The following BAHCC1 variants were observed in gnomAD, a reference collection of about 807,000 sequenced individuals.
BAHCC1 encodes BAH and coiled-coil domain-containing protein 1.
Under a neutral mutation model 88.2 loss-of-function variants are expected in BAHCC1, and 43 were observed. That is an observed-to-expected ratio of 0.49 (90% CI 0.38 to 0.63). The LOEUF (loss-of-function observed/expected upper bound fraction) is 0.63. Among genes scored for constraint, BAHCC1 ranks in the 20% least tolerant of loss-of-function variants. BAHCC1 has a pLI of 0.00. For missense variants in BAHCC1, 3,023 were observed against 1,654.8 expected (o/e 1.83, Z -14.34); for synonymous variants, 1,510 against 745.5 (o/e 2.03, Z -16.71).
Position 81,398,526 on chromosome 17 carries a change from G to C in BAHCC1, c.-206-1008G>C, listed in dbSNP as rs561102698. Among the ~76,000 whole-genome samples, 560 of 152,342 alleles carry C rather than the reference G, an allele frequency of 3.7e-3. 1 individual carries two copies. Among genetic ancestry groups the C allele is most frequent in the Non-Finnish European group, 5.7e-3 (387 of 68,030 alleles). On this transcript the variant is annotated intron_variant, in intron 1 of 27. Transcript: ENST00000675386. ...CCGGAGCGGAGACCGGCCTCTGCTCGCGGTCCCCGGCAGGCGCTGAAGGAA... is the reference window on the plus strand; with the variant it reads ...CCGGAGCGGAGACCGGCCTCTGCTCCCGGTCCCCGGCAGGCGCTGAAGGAA...
chr17:81,425,992 GTGA>G (rs1388808710), intron 2 of BAHCC1, among the ~76,000 whole-genome samples: 6 of 82,728 alleles, frequency 7.3e-5, no homozygotes, highest in Non-Finnish European at 1.5e-4. Context: ...GGTGTGGTTG[GTGA>G]TGATGTGGTT....
chr17:81,447,198 G>A lies in BAHCC1; in HGVS notation c.3326G>A (p.Cys1109Tyr). ...TTCCTGCCTGGGGAGCCGCCTCCCT[G>A]CAGCCCCAGGAGCCTGGAGGAGCCC... The part of the protein sequence containing the change: ...RTFLPGEPPP[C>Y]SPRSLEEPGL... Residue 1109 changes from cysteine (C) to tyrosine (Y), a missense_variant, in exon 11 of 28, where the codon TGC becomes TAC. Cys to Tyr is a radical substitution (Grantham distance 194). Coordinates refer to ENST00000675386, the MANE Select transcript of BAHCC1 (RefSeq NM_001377448.1). 1 of 762,918 alleles carries A rather than the reference G, an allele frequency of 1.3e-6. No individual in the cohort carries two copies. The allele number at this position is 762,918 out of a possible 1,614,324, so 47.3% of individuals were successfully genotyped here. A position where few individuals can be genotyped will look rare whatever the true frequency, so the allele number is the denominator to read the frequency against.
intron 3 of BAHCC1, among the ~76,000 whole-genome samples, chr17:81,436,922 G>A (rs782777950): frequency 5.9e-5 from 9 of 152,244 alleles, no homozygotes; most frequent in Admixed American, 2.0e-4. Flanking sequence ...CAAATGGGAC[G>A]TGTGTGGGGT....
At chr17:81,463,052 G>A in intron 27 of BAHCC1, 76 bp downstream of exon 27, 1 of 701,348 alleles carries the variant, frequency 1.4e-6, no homozygotes, top group Admixed American at 2.1e-5. Context: ...CCAGCACTGT[G>A]CCCCAACACG....
chr17:81,398,022 T>A (rs1456367554), intron 1 of BAHCC1, among the ~76,000 whole-genome samples: 3 of 152,234 alleles, frequency 2.0e-5, no homozygotes, highest in Non-Finnish European at 2.9e-5. Context: ...TATCGCAATT[T>A]AAAAAGGTAT....
At chr17:81,436,987 C>G (rs1263518465) in intron 3 of BAHCC1, among the ~76,000 whole-genome samples, 1 of 152,230 alleles carries the variant, frequency 6.6e-6, no homozygotes, top group African/African-American at 2.4e-5. Flanking sequence ...TCTCCTGGGG[C>G]TCAAGCTCCA....
intron 14 of BAHCC1, among the ~76,000 whole-genome samples, chr17:81,454,568 A>ACCCCCCCCCCCCCCCCCCC (rs2064710011): frequency 2.3e-5 from 1 of 42,656 alleles, no homozygotes. Flanking sequence ...ACCTGCCCCT[A>ACCCCCCCCCCCCCCCCCCC]CCCCCGCCCC....
intron 2 of BAHCC1, among the ~76,000 whole-genome samples, chr17:81,405,542 A>G (rs1387075943): frequency 2.0e-5 from 3 of 152,096 alleles, no homozygotes; most frequent in Admixed American, 6.5e-5. Flanking sequence ...TAACTCCCAA[A>G]GGACTATATT....
At position 81,440,751 on chromosome 17, in the gene BAHCC1, A is replaced by G. The variant is rs75814773; in HGVS notation, c.482-1080A>G. ...TGGGCAACCGTTTCAGGGACCCCAG[A>G]CACTCACCCCCCACCAGGCAGGGTG... is the stretch of plus-strand genomic sequence containing the variant. On this transcript the variant is annotated intron_variant, in intron 4 of 27. Coordinates refer to ENST00000675386, the MANE Select transcript of BAHCC1 (RefSeq NM_001377448.1). Among the ~76,000 whole-genome samples the G allele has an allele frequency of 1.8e-4, 28 of 152,256 alleles. No homozygotes were observed. In the East Asian group the frequency reaches 5.4e-3, roughly 29 times the overall value.
At chr17:81,402,694 G>A (rs1218207670) in intron 2 of BAHCC1, 1 of 152,232 alleles carries the variant, frequency 6.6e-6, no homozygotes, top group Non-Finnish European at 1.5e-5. Flanking sequence ...TCTTTTTGCT[G>A]GGCTGCTCTT....
chr17:81,435,671 C>T lies in BAHCC1; in HGVS notation c.359-2699C>T, dbSNP rs557319760. Among the ~76,000 whole-genome samples the T allele has an allele frequency of 2.0e-5, 3 of 152,194 alleles. No individual in the cohort carries two copies. Among genetic ancestry groups the T allele is most frequent in the East Asian group, 1.9e-4 (1 of 5,162 alleles). Reference sequence around the variant, plus strand: ...GCTGAGCCCTCTTGGTCTCTGGCCCCGGAATGTCCCCTCCCTGCCATCTGG... The same window carrying T: ...GCTGAGCCCTCTTGGTCTCTGGCCCTGGAATGTCCCCTCCCTGCCATCTGG... On this transcript the variant is annotated intron_variant, in intron 3 of 27. Coordinates refer to ENST00000675386, the MANE Select transcript of BAHCC1 (RefSeq NM_001377448.1). This position sits in a 1 kb window ranked among gnomAD's most constrained non-coding sequence, Gnocchi z 4.4.
In BAHCC1 at chr17:81,459,589, G is replaced by A; in HGVS notation, c.5890G>A (p.Gly1964Ser). 1 of 779,692 alleles carries A rather than the reference G, an allele frequency of 1.3e-6. No homozygotes were observed. The highest frequency in any genetic ancestry group is 2.4e-6 in the Non-Finnish European group (1 of 417,916). The allele number at this position is 779,692 out of a possible 1,614,324, so 48.3% of individuals were successfully genotyped here. A position where few individuals can be genotyped will look rare whatever the true frequency, so the allele number is the denominator to read the frequency against. Residue 1964 changes from glycine (G) to serine (S), a missense_variant, in exon 23 of 28, where the codon GGC becomes AGC. Gly to Ser is a moderately conservative substitution (Grantham distance 56, BLOSUM62 0). Transcript: ENST00000675386. ...WSQKSRCLYP[G>S]NVVRGASGDE... is the part of the protein sequence containing the mutation. The stretch of plus-strand genomic sequence containing the variant: ...TCAGAAGTCTCGATGTCTGTACCCG[G>A]GCAACGTGGTCCGGGGTAAGTTGCA...
Position 81,411,146 on chromosome 17 carries a change from C to G in BAHCC1, c.178+11229C>G, listed in dbSNP as rs1045921374. 3.9e-6 allele frequency: 2 copies of G among 519,104 alleles called. No homozygotes were observed. The highest frequency in any genetic ancestry group is 3.9e-5 in the Admixed American group (2 of 51,570). The allele number at this position is 519,104 out of a possible 1,614,324, so 32.2% of individuals were successfully genotyped here. A position where few individuals can be genotyped will look rare whatever the true frequency, so the allele number is the denominator to read the frequency against. ...TCTGCGTGAGTCCATTCATCACGTGCCTGCAGGTGCCTGTGTCCTGTCTCT... is the reference window on the plus strand; with the variant it reads ...TCTGCGTGAGTCCATTCATCACGTGGCTGCAGGTGCCTGTGTCCTGTCTCT... On this transcript the variant is annotated intron_variant, in intron 2 of 27. Transcript: ENST00000675386. The surrounding 1 kb of genome is among the most constrained non-coding windows in gnomAD (Gnocchi z 6.2).
chr17:81,431,117 C>T (rs1347281319), intron 3 of BAHCC1, among the ~76,000 whole-genome samples: 7 of 151,936 alleles, frequency 4.6e-5, no homozygotes, highest in Admixed American at 6.5e-5. Context: ...TCTGCTGGGC[C>T]GGCTACCTCC....
At chr17:81,415,179 G>C (rs1351167397) in intron 2 of BAHCC1, among the ~76,000 whole-genome samples, 2 of 152,214 alleles carry the variant, frequency 1.3e-5, no homozygotes, top group East Asian at 3.9e-4. Context: ...TCTGAGACCC[G>C]TCCGCTGGCA....
Position 81,399,666 on chromosome 17 carries a change from G to A in BAHCC1, c.-74G>A, listed in dbSNP as rs1277222679. 1.1e-5 allele frequency: 10 copies of A among 940,442 alleles called. No homozygotes were observed. The highest frequency in any genetic ancestry group is 1.8e-5 in the African/African-American group (1 of 55,698). The allele number at this position is 940,442 out of a possible 1,614,324, so 58.3% of individuals were successfully genotyped here. A position where few individuals can be genotyped will look rare whatever the true frequency, so the allele number is the denominator to read the frequency against. ...GGACGCCGCCGCCTCTGCGCCGCCCGCGCGCCGAGCCGCCCCCGGGCCCCG... is the reference window on the plus strand; with the variant it reads ...GGACGCCGCCGCCTCTGCGCCGCCCACGCGCCGAGCCGCCCCCGGGCCCCG... On this transcript the variant is annotated 5_prime_UTR_variant, in exon 2 of 28. Transcript: ENST00000675386. This position sits in a 1 kb window ranked among gnomAD's most constrained non-coding sequence, Gnocchi z 4.5.
Position 81,461,724 on chromosome 17 carries a change from C to T in BAHCC1, c.7061C>T (p.Pro2354Leu), listed in dbSNP as rs782668216. Residue 2354 changes from proline to leucine, a missense_variant, in exon 26 of 28, where the codon CCG (proline) becomes CTG (leucine). By Grantham distance (98) the Pro-to-Leu change is moderately conservative (BLOSUM62 -3). Transcript: ENST00000675386. ...DSSYSSDDED[P>L]ALLLQTCLTH... Reference sequence around the variant, plus strand: ...TCCTACAGCTCAGACGACGAGGACCCGGCTCTGCTGCTGCAGACCTGCCTC... The same window carrying T: ...TCCTACAGCTCAGACGACGAGGACCTGGCTCTGCTGCTGCAGACCTGCCTC... The T allele has an allele frequency of 4.2e-6, 3 of 718,602 alleles. No individual in the cohort carries two copies. Among genetic ancestry groups the T allele is most frequent in the South Asian group, 3.0e-5 (2 of 67,612 alleles). 44.5% of individuals were successfully genotyped at this position (718,602 alleles called of 1,614,324 possible). A position where few individuals can be genotyped will look rare whatever the true frequency, so the allele number is the denominator to read the frequency against.
intron 4 of BAHCC1, among the ~76,000 whole-genome samples, chr17:81,440,174 C>A (rs1282512262): frequency 2.0e-5 from 3 of 152,218 alleles, no homozygotes; most frequent in Non-Finnish European, 4.4e-5. Flanking sequence ...GCCCCGCAGG[C>A]CCCGTTCCCC....
At chr17:81,431,197 A>G (rs1015886631) in intron 3 of BAHCC1, among the ~76,000 whole-genome samples, 6 of 151,928 alleles carry the variant, frequency 3.9e-5, no homozygotes, top group Non-Finnish European at 7.4e-5. Flanking sequence ...GAGGTGTCCT[A>G]TGGCTTTCGG....
Sources: gnomAD v4.1 joint callset for allele counts (sites outside exome capture counted in the v4.1 genomes callset) on GRCh38, gnomAD v4.1.1 for gene constraint, Gnocchi (gnomAD v3.1) non-coding constraint, MANE v1.5 for transcripts, NCBI Gene and HGNC (gene_info 2026-07-23, HGNC 2026-07-21) for gene names.